Variants in WWOX observed in about 807,000 individuals in gnomAD.
WWOX encodes WW domain containing oxidoreductase, also known as WW domain-containing oxidoreductase.
WWOX carries 69 observed loss-of-function variants against 46.2 expected under a neutral mutation model. That is an observed-to-expected ratio of 1.49 (90% confidence interval 1.23 to 1.82). The LOEUF (loss-of-function observed/expected upper bound fraction) is 1.82. WWOX is among the 40% of genes most tolerant of loss of function. The pLI, the probability that WWOX is intolerant of heterozygous loss-of-function variation, is 0.00. For synonymous variants in WWOX, 359 were observed against 202.6 expected, an observed-to-expected ratio of 1.77 and a Z score of -6.56; for missense variants, 919 against 542.6, an observed-to-expected ratio of 1.69 and a Z score of -6.89.
intron 5 of WWOX, among the ~76,000 whole-genome samples, chr16:78,262,918 T>G (rs2079277203): frequency 6.6e-6 from 1 of 152,194 alleles, no homozygotes; most frequent in Admixed American, 6.5e-5. Context: ...CCCTGAGGGC[T>G]TTGAAACACT....
At chr16:78,583,852 C>T (rs1052806829) in intron 8 of WWOX, among the ~76,000 whole-genome samples, 1 of 152,180 alleles carries the variant, frequency 6.6e-6, no homozygotes, top group African/African-American at 2.4e-5. Context: ...AGGTGAAGAG[C>T]TTTATTCGAG....
intron 8 of WWOX, among the ~76,000 whole-genome samples, chr16:78,887,652 G>A (rs960907567): frequency 5.9e-5 from 9 of 152,166 alleles, no homozygotes; most frequent in African/African-American, 2.2e-4. Flanking sequence ...TAAGATATAT[G>A]TGGATTCCAT....
chr16:78,903,378 G>C (rs886198877), intron 8 of WWOX, among the ~76,000 whole-genome samples: 1 of 152,162 alleles, frequency 6.6e-6, no homozygotes, highest in Non-Finnish European at 1.5e-5. Context: ...TTATGCAAAC[G>C]AAGACTCCGC....
intron 8 of WWOX, among the ~76,000 whole-genome samples, chr16:78,838,769 G>A (rs2151166116): frequency 6.6e-6 from 1 of 152,264 alleles, no homozygotes; most frequent in East Asian, 1.9e-4. Flanking sequence ...CTTGAACCCG[G>A]GAGTCAGAGG....
At chr16:78,392,105 G>A (rs569940561) in intron 6 of WWOX, among the ~76,000 whole-genome samples, 1 of 151,868 alleles carries the variant, frequency 6.6e-6, no homozygotes, top group Non-Finnish European at 1.5e-5. Context: ...CAATAGCGGA[G>A]CCGTGGCCTG....
chr16:78,181,145 C>G (rs1053391999), intron 5 of WWOX, among the ~76,000 whole-genome samples: 2 of 151,924 alleles, frequency 1.3e-5, no homozygotes, highest in African/African-American at 4.8e-5. Context: ...AAGAGAGACA[C>G]GCAGACACAC....
intron 8 of WWOX, among the ~76,000 whole-genome samples, chr16:78,915,697 T>TA (rs66954267): frequency 0.021 from 2,025 of 96,062 alleles, 36 homozygotes; most frequent in African/African-American, 0.067. Context: ...CCAAAGCCAT[T>TA]TAAAAAAAAA....
chr16:78,934,602 C>T (rs1044764423), intron 8 of WWOX, among the ~76,000 whole-genome samples: 240 of 151,970 alleles, frequency 1.6e-3, no homozygotes, highest in African/African-American at 5.5e-3. Flanking sequence ...TTTTACCCTA[C>T]CCTCTTCCCC....
At chr16:78,171,815 C>G (rs937140956) in intron 5 of WWOX, among the ~76,000 whole-genome samples, 1 of 152,136 alleles carries the variant, frequency 6.6e-6, no homozygotes, top group Admixed American at 6.6e-5. Flanking sequence ...GCCACTTGCT[C>G]AAGTCAATAA....
At chr16:79,081,550 C>T (rs1230227290) in intron 8 of WWOX, among the ~76,000 whole-genome samples, 1 of 152,232 alleles carries the variant, frequency 6.6e-6, no homozygotes, top group Non-Finnish European at 1.5e-5. Flanking sequence ...ATTCTCAACT[C>T]TGCTATCTGC....
intron 8 of WWOX, among the ~76,000 whole-genome samples, chr16:79,115,690 C>T (rs979391399): frequency 1.3e-5 from 2 of 152,132 alleles, no homozygotes; most frequent in East Asian, 1.9e-4. Flanking sequence ...TCCCAGCCCC[C>T]GCACTGGTTG....
intron 8 of WWOX, among the ~76,000 whole-genome samples, chr16:78,560,521 G>A (rs1360916928): frequency 6.6e-6 from 1 of 152,152 alleles, no homozygotes; most frequent in Non-Finnish European, 1.5e-5. Flanking sequence ...GTGCATGCCT[G>A]TAATCCCAGC....
At chr16:79,170,623 C>G (rs2050681898) in intron 8 of WWOX, among the ~76,000 whole-genome samples, 1 of 137,482 alleles carries the variant, frequency 7.3e-6, no homozygotes. Context: ...ACTTAAACCA[C>G]ACAAATTAAA....
At chr16:78,748,420 A>G (rs2049400143) in intron 8 of WWOX, among the ~76,000 whole-genome samples, 1 of 152,194 alleles carries the variant, frequency 6.6e-6, no homozygotes, top group African/African-American at 2.4e-5. Context: ...TTCCACGCCA[A>G]GCCCTGGGGA....
At chr16:78,787,153 C>G (rs1009409432) in intron 8 of WWOX, among the ~76,000 whole-genome samples, 3 of 152,066 alleles carry the variant, frequency 2.0e-5, no homozygotes, top group African/African-American at 4.8e-5. Context: ...GTCTCAAAAA[C>G]AAAAATAAAA....
At chr16:79,059,654 C>T (rs1407873149) in intron 8 of WWOX, among the ~76,000 whole-genome samples, 2 of 152,040 alleles carry the variant, frequency 1.3e-5, no homozygotes, top group Non-Finnish European at 2.9e-5. Flanking sequence ...GCCACCATGC[C>T]CGGCTAATTT....
At chr16:78,213,264 A>C (rs1457278062) in intron 5 of WWOX, among the ~76,000 whole-genome samples, 1 of 151,540 alleles carries the variant, frequency 6.6e-6, no homozygotes, top group Non-Finnish European at 1.5e-5. Context: ...AAAAAAAAAA[A>C]AAAAAAAATC....
chr16:78,640,226 GTTTTTTTTTTT>G (rs34129775), intron 8 of WWOX, among the ~76,000 whole-genome samples: 12 of 65,346 alleles, frequency 1.8e-4, no homozygotes, highest in Admixed American at 1.3e-3. Flanking sequence ...TTGTTGTTGG[GTTTTTTTTTTT>G]TTTTTTTTTT....
intron 8 of WWOX, among the ~76,000 whole-genome samples, chr16:78,828,232 C>T (rs1307100865): frequency 6.6e-6 from 1 of 152,166 alleles, no homozygotes; most frequent in African/African-American, 2.4e-5. Flanking sequence ...CTCCCTGTCA[C>T]AGTGGCAAAG....
Sources: allele counts gnomAD v4.1 joint callset (sites outside exome capture counted in the v4.1 genomes callset), GRCh38; gene constraint gnomAD v4.1.1; transcripts MANE v1.5; gene names NCBI Gene and HGNC (gene_info 2026-07-23, HGNC 2026-07-21).